Variants in PILRB observed in about 807,000 individuals in gnomAD.
PILRB encodes paired immunoglobin like type 2 receptor beta, also known as paired immunoglobulin-like type 2 receptor beta.
Under a neutral mutation model 20.5 loss-of-function variants are expected in PILRB, and 21 were observed. The ratio of observed to expected loss-of-function variants is 1.02; its 90% confidence interval spans 0.72 to 1.47. The LOEUF (loss-of-function observed/expected upper bound fraction) is 1.47, where lower values mean the gene tolerates loss of function less well. PILRB is among the 40% of genes most tolerant of loss of function. The pLI is 0.00. For synonymous variants in PILRB, 133 were observed against 115.1 expected (o/e 1.16, Z -0.99); for missense variants, 253 against 272.1 (o/e 0.93, Z 0.49).
rs188038233 is a variant in PILRB at position 100,362,079 on chromosome 7, G to A, written c.655+2542G>A. 2.3e-4 allele frequency among the ~76,000 whole-genome samples: 35 copies of A among 152,192 alleles called. No individual in the cohort carries two copies. The East Asian group carries it at 6.8e-3, about 29-fold the overall frequency. ...AGAGAGCAGGAATGGAGAGCAGGGG[G>A]GTCAGCAGGAAGCTTGGAGAATCTG... On this transcript the variant is annotated intron_variant, in intron 3 of 3. Coordinates refer to ENST00000609309, the MANE Select transcript of PILRB (RefSeq NM_178238.4).
chr7:100,361,173 G>A (rs1487340340), intron 3 of PILRB, among the ~76,000 whole-genome samples: 1 of 152,046 alleles, frequency 6.6e-6, no homozygotes, highest in Non-Finnish European at 1.5e-5. Context: ...CTGACCTCGT[G>A]ATCCGCCTGC....
Position 100,364,918 on chromosome 7 carries a change from C to A in PILRB, c.656-2431C>A, listed in dbSNP as rs149384412. Among the ~76,000 whole-genome samples the A allele has an allele frequency of 3.5e-3, 528 of 152,000 alleles. 4 individuals carry two copies. Among genetic ancestry groups the A allele is most frequent in the Non-Finnish European group, 5.4e-3 (367 of 67,984 alleles). Reference sequence around the variant, plus strand: ...GTAGTGAACTATGATTGTGCCACTGCACTCCATCCTGGGTGACAGTATAAG... The same window carrying A: ...GTAGTGAACTATGATTGTGCCACTGAACTCCATCCTGGGTGACAGTATAAG... On this transcript the variant is annotated intron_variant, in intron 3 of 3. Transcript: ENST00000609309.
At chr7:100,364,108 CAAAAAA>C (rs149933051) in intron 3 of PILRB, among the ~76,000 whole-genome samples, 2 of 93,170 alleles carry the variant, frequency 2.1e-5, no homozygotes, top group South Asian at 6.5e-4. Context: ...AACTCCATCT[CAAAAAA>C]AAAAAAAAAG....
intron 3 of PILRB, among the ~76,000 whole-genome samples, chr7:100,365,370 G>T (rs1250971011): frequency 6.6e-6 from 1 of 152,206 alleles, no homozygotes; most frequent in Admixed American, 6.5e-5. Context: ...ATTATGCTAA[G>T]TGAAATAAGC....
chr7:100,360,020 TCAAA>T (rs72418187), intron 3 of PILRB, among the ~76,000 whole-genome samples: 6,725 of 151,934 alleles, frequency 0.044, 494 homozygotes, highest in African/African-American at 0.15. Context: ...AGACTCTGTC[TCAAA>T]CAAACAAACA....
At chr7:100,360,544 G>A (rs143827475) in intron 3 of PILRB, among the ~76,000 whole-genome samples, 9 of 152,246 alleles carry the variant, frequency 5.9e-5, no homozygotes, top group Non-Finnish European at 1.3e-4. Context: ...TGGTGAAGGA[G>A]GCAGGAGAGG....
At position 100,358,170 on chromosome 7, in the gene PILRB, C is replaced by T; in HGVS notation, c.-133C>T. The T allele has an allele frequency of 1.0e-6, 1 of 991,754 alleles. No individual in the cohort carries two copies. The highest frequency in any genetic ancestry group is 1.6e-6 in the Non-Finnish European group (1 of 641,942). The allele number at this position is 991,754 out of a possible 1,614,324, so 61.4% of individuals were successfully genotyped here. ...TACTGGTTTGGGGAAGGTCCCCGGC[C>T]CCCACAGCCCTCTGGGGAGCCTCAC... On this transcript the variant is annotated 5_prime_UTR_variant, in exon 1 of 4. Transcript: ENST00000609309.
In PILRB at chr7:100,358,977, G is replaced by C. The variant is rs766323358; in HGVS notation, c.352G>C (p.Glu118Gln). The C allele has an allele frequency of 5.6e-6, 9 of 1,614,174 alleles. No homozygotes were observed. The highest frequency in any genetic ancestry group is 4.4e-5 in the South Asian group (4 of 91,082). ...CCTCAGGATCTCAAACCTGCGGAAG[G>C]AGGACCAGTCTGTGTATTTCTGCCG... The part of the protein sequence containing the change: ...GFLRISNLRK[E>Q]DQSVYFCRVE... The change falls in exon 2 of 4, where the codon GAG (glutamate) becomes CAG (glutamine). Residue 118 changes from glutamate to glutamine, a missense_variant. Physicochemically the swap from Glu to Gln is conservative, Grantham distance 29. Coordinates refer to ENST00000609309, the MANE Select transcript of PILRB (RefSeq NM_178238.4).
intron 3 of PILRB, among the ~76,000 whole-genome samples, 197 bp downstream of exon 3, chr7:100,359,734 G>A (rs1424302445): frequency 6.6e-6 from 1 of 152,106 alleles, no homozygotes; most frequent in Non-Finnish European, 1.5e-5. Flanking sequence ...TCACATGTGA[G>A]AACCCCCAGC....
Position 100,367,515 on chromosome 7 carries a change from G to T in PILRB, c.*138G>T, listed in dbSNP as rs370021807. 4 of 680,108 alleles carry T rather than the reference G, an allele frequency of 5.9e-6. No individual in the cohort carries two copies. The highest frequency in any genetic ancestry group is 1.6e-5 in the South Asian group (1 of 62,342). The allele number at this position is 680,108 out of a possible 1,614,324, so 42.1% of individuals were successfully genotyped here. ...CTGAGGACCTTTAAAAGGCAAAGCC[G>T]CAAGGCAGAAGGAGGCTGGGTCCCT... On this transcript the variant is annotated 3_prime_UTR_variant, in exon 4 of 4. Coordinates refer to ENST00000609309, the MANE Select transcript of PILRB (RefSeq NM_178238.4).
Position 100,359,334 on chromosome 7 carries a change from C to G in PILRB, c.455-3C>G, listed in dbSNP as rs1464652717. 1.9e-6 allele frequency: 3 copies of G among 1,614,028 alleles called. No individual in the cohort carries two copies. On this transcript the variant is annotated splice_polypyrimidine_tract_variant and splice_region_variant and intron_variant, in intron 2 of 3. Transcript: ENST00000609309. ...GGGTCTGCTCATTCCTCATCTCTTC[C>G]AGCTGTCACAACCACCACCACCTGG...
intron 3 of PILRB, among the ~76,000 whole-genome samples, chr7:100,359,796 A>C (rs1335503545): frequency 6.6e-6 from 1 of 152,188 alleles, no homozygotes; most frequent in East Asian, 1.9e-4. Flanking sequence ...AGCCCAAGGC[A>C]GGTGGATCAC....
At chr7:100,364,619 A>G (rs1790623521) in intron 3 of PILRB, among the ~76,000 whole-genome samples, 1 of 152,232 alleles carries the variant, frequency 6.6e-6, no homozygotes, top group African/African-American at 2.4e-5. Flanking sequence ...GCCATGGCAG[A>G]TTAGCTTCCA....
In PILRB at chr7:100,362,817, T is replaced by C. The variant is rs768952734; in HGVS notation, c.655+3280T>C. 3.9e-5 allele frequency among the ~76,000 whole-genome samples: 6 copies of C among 152,112 alleles called. No homozygotes were observed. In the East Asian group the frequency reaches 9.7e-4, roughly 24 times the overall value. ...GCCACGGTGCCCAGCCTGAACACCC[T>C]TTCCTGGTAAAACACTCCAAAACCA... On this transcript the variant is annotated intron_variant, in intron 3 of 3. Coordinates refer to ENST00000609309, the MANE Select transcript of PILRB (RefSeq NM_178238.4).
At chr7:100,366,413 G>A (rs1036035894) in intron 3 of PILRB, among the ~76,000 whole-genome samples, 1 of 152,110 alleles carries the variant, frequency 6.6e-6, no homozygotes, top group Admixed American at 6.6e-5. Context: ...GGGTTCAGAG[G>A]GTGTCTCTGT....
At chr7:100,358,391 A>G (rs1189517352) in intron 1 of PILRB, 25 bp downstream of exon 1, 33 of 1,610,008 alleles carry the variant, frequency 2.0e-5, no homozygotes, top group South Asian at 3.3e-5. Context: ...CCGCCCAGGT[A>G]TGGTCTCTGC....
intron 3 of PILRB, among the ~76,000 whole-genome samples, 179 bp downstream of exon 3, chr7:100,359,716 G>T (rs1174980254): frequency 6.6e-6 from 1 of 152,098 alleles, no homozygotes; most frequent in East Asian, 1.9e-4. Flanking sequence ...CAGTGGGGTG[G>T]TGCAGGGTCA....
chr7:100,364,228 G>T (rs983371948), intron 3 of PILRB, among the ~76,000 whole-genome samples: 2 of 152,092 alleles, frequency 1.3e-5, no homozygotes, highest in African/African-American at 4.8e-5. Flanking sequence ...ACTCGACGAA[G>T]AATAGTTTCT....
rs560940440 is a variant in PILRB at position 100,363,395 on chromosome 7, A to G, written c.655+3858A>G. On this transcript the variant is annotated intron_variant, in intron 3 of 3. Coordinates refer to ENST00000609309, the MANE Select transcript of PILRB (RefSeq NM_178238.4). ...CTGTGCACTAAACATAAACAATCTG[A>G]AAAGAAAATTAAGAAAACAATTCCA... 2.0e-5 allele frequency among the ~76,000 whole-genome samples: 3 copies of G among 152,334 alleles called. No individual in the cohort carries two copies. The South Asian group carries it at 6.2e-4, about 32-fold the overall frequency.
Sources: allele counts gnomAD v4.1 joint callset (sites outside exome capture counted in the v4.1 genomes callset), GRCh38; gene constraint gnomAD v4.1.1; transcripts MANE v1.5; gene names NCBI Gene and HGNC (gene_info 2026-07-23, HGNC 2026-07-21).